The following DPP10 variants were observed in gnomAD, a reference collection of about 807,000 sequenced individuals.
The protein encoded by DPP10 is dipeptidyl peptidase like 10, also known as inactive dipeptidyl peptidase 10.
A neutral mutation model predicts 120.9 loss-of-function variants in DPP10; 33 were observed. The observed-to-expected ratio is 0.27, with a 90% CI of 0.21 to 0.37. The LOEUF (loss-of-function observed/expected upper bound fraction) is 0.37. DPP10 is among the 10% of genes least tolerant of loss of function. The pLI is 1.00. For missense variants in DPP10, 816 were observed against 942.8 expected, an observed-to-expected ratio of 0.87 and a Z score of 1.76; for synonymous variants, 337 against 326.1, an observed-to-expected ratio of 1.03 and a Z score of -0.36.
chr2:114,911,079 C>T (rs1028396828), intron 1 of DPP10, among the ~76,000 whole-genome samples: 4 of 152,156 alleles, frequency 2.6e-5, no homozygotes, highest in African/African-American at 4.8e-5. Context: ...TATTCCTTCA[C>T]GTGACTAATA....
intron 1 of DPP10, among the ~76,000 whole-genome samples, chr2:114,591,083 G>A (rs1188015025): frequency 6.6e-6 from 1 of 152,168 alleles, no homozygotes; most frequent in African/African-American, 2.4e-5. Flanking sequence ...GTAGTGAGGG[G>A]ACATCCCATG....
intron 1 of DPP10, among the ~76,000 whole-genome samples, chr2:115,180,774 G>T (rs931431931): frequency 2.0e-5 from 3 of 152,136 alleles, no homozygotes; most frequent in African/African-American, 4.8e-5. Flanking sequence ...GATTGAAAGG[G>T]TGGGAGTGGG....
At chr2:115,702,060 A>T (rs2091912546) in intron 7 of DPP10, among the ~76,000 whole-genome samples, 1 of 152,086 alleles carries the variant, frequency 6.6e-6, no homozygotes, top group African/African-American at 2.4e-5. Context: ...TTTACTAGTG[A>T]GAATACCATT....
chr2:115,689,872 A>G lies in DPP10; in HGVS notation c.527A>G (p.Glu176Gly), dbSNP rs1203667230. 2.5e-6 allele frequency: 4 copies of G among 1,613,802 alleles called. No individual in the cohort carries two copies. The highest frequency in any genetic ancestry group is 1.7e-5 in the Admixed American group (1 of 59,900). ...TGGGAGTTAAATCCTCCAGAAGTAG[A>G]GGACTCCGTCTTGCAGTACGCGGCC... is the stretch of plus-strand genomic sequence containing the variant. Reference protein sequence around the residue: ...EVWELNPPEVEDSVLQYAAWG... With the variant: ...EVWELNPPEVGDSVLQYAAWG... The change falls in exon 7 of 26, where the codon GAG becomes GGG. Residue 176 changes from glutamate (E) to glycine (G), a missense_variant. By Grantham distance (98) the Glu-to-Gly change is moderately conservative. Around this residue, in one of 3 missense-constraint regions of DPP10, gnomAD observed 182 missense variants for 207.4 expected, o/e 0.88. Transcript: ENST00000410059.
chr2:114,500,116 C>T (rs771156109), intron 1 of DPP10, among the ~76,000 whole-genome samples: 2 of 152,194 alleles, frequency 1.3e-5, no homozygotes, highest in Non-Finnish European at 2.9e-5. Flanking sequence ...GCTGTTTCTG[C>T]ACAATGCAGA....
intron 1 of DPP10, among the ~76,000 whole-genome samples, chr2:115,126,084 T>C (rs56317001): frequency 0.096 from 14,581 of 152,256 alleles, 938 homozygotes; most frequent in Non-Finnish European, 0.13. Flanking sequence ...TCATTGCTAC[T>C]GACAAAAATT....
At chr2:115,586,686 T>G (rs2082309367) in intron 5 of DPP10, among the ~76,000 whole-genome samples, 1 of 151,986 alleles carries the variant, frequency 6.6e-6, no homozygotes, top group African/African-American at 2.4e-5. Flanking sequence ...TTGTTTTTGT[T>G]TTTGTTTTTT....
At chr2:114,610,511 T>A (rs1693201397) in intron 1 of DPP10, among the ~76,000 whole-genome samples, 1 of 152,060 alleles carries the variant, frequency 6.6e-6, no homozygotes, top group Non-Finnish European at 1.5e-5. Context: ...GAAAAGACAG[T>A]CCTGCTCTTC....
intron 1 of DPP10, among the ~76,000 whole-genome samples, chr2:114,444,866 G>T (rs17048355): frequency 3.9e-5 from 6 of 152,084 alleles, no homozygotes; most frequent in Non-Finnish European, 1.5e-5. Flanking sequence ...ATATATAGTC[G>T]CAAGCACTGA....
At chr2:114,983,138 G>A (rs1700190893) in intron 1 of DPP10, among the ~76,000 whole-genome samples, 2 of 152,098 alleles carry the variant, frequency 1.3e-5, no homozygotes, top group Admixed American at 6.6e-5. Context: ...TAAGTGAATA[G>A]GAAGAGTGGA....
chr2:114,682,590 T>G (rs1699098191), intron 1 of DPP10, among the ~76,000 whole-genome samples: 1 of 151,372 alleles, frequency 6.6e-6, no homozygotes, highest in Non-Finnish European at 1.5e-5. Flanking sequence ...TTATTATTAT[T>G]ATTATTAGGC....
At chr2:114,885,565 A>G (rs1692002670) in intron 1 of DPP10, among the ~76,000 whole-genome samples, 1 of 152,212 alleles carries the variant, frequency 6.6e-6, no homozygotes, top group African/African-American at 2.4e-5. Context: ...TTATTAAAAT[A>G]TGAGAGATTT....
intron 1 of DPP10, among the ~76,000 whole-genome samples, chr2:114,724,887 T>C (rs1165407704): frequency 1.3e-5 from 2 of 152,100 alleles, no homozygotes; most frequent in Non-Finnish European, 2.9e-5. Flanking sequence ...GAGTGTGGGG[T>C]TTTTTTGTTT....
intron 1 of DPP10, among the ~76,000 whole-genome samples, chr2:114,476,349 A>G (rs1680368735): frequency 6.6e-6 from 1 of 152,202 alleles, no homozygotes; most frequent in African/African-American, 2.4e-5. Flanking sequence ...CCTATCTTCA[A>G]GTACAAAGTA....
intron 8 of DPP10, among the ~76,000 whole-genome samples, chr2:115,735,030 C>T (rs923819466): frequency 2.0e-5 from 3 of 152,148 alleles, no homozygotes; most frequent in African/African-American, 4.8e-5. Context: ...GAAATAGAAG[C>T]AGTGGCTTTT....
At chr2:114,849,913 TTTTTC>T (rs988682055) in intron 1 of DPP10, among the ~76,000 whole-genome samples, 2 of 151,754 alleles carry the variant, frequency 1.3e-5, no homozygotes, top group African/African-American at 4.8e-5. Context: ...TTATCCCAAT[TTTTTC>T]TTTTCTTTTC....
intron 1 of DPP10, among the ~76,000 whole-genome samples, chr2:115,146,591 A>G (rs568297106): frequency 6.6e-6 from 1 of 151,976 alleles, no homozygotes; most frequent in East Asian, 1.9e-4. Context: ...AACAGGGGAA[A>G]AAAAAAAAAC....
At chr2:115,404,250 C>A (rs188981660) in intron 3 of DPP10, among the ~76,000 whole-genome samples, 7 of 152,166 alleles carry the variant, frequency 4.6e-5, no homozygotes, top group African/African-American at 1.7e-4. Flanking sequence ...ATCAAAGCAG[C>A]AGAAGTGGGA....
rs144701999 is a variant in DPP10, at chr2:115,509,898, T to C, written c.366+10294T>C. Among the ~76,000 whole-genome samples the C allele has an allele frequency of 2.0e-5, 3 of 152,338 alleles. No homozygotes were observed. The East Asian group carries it at 5.8e-4, about 29-fold the overall frequency. Reference sequence around the variant, plus strand: ...CTTACCTATTTGATTTTAGCCATTTTAGTGGGTGTGAAGTAATATCTTGCC... The same window carrying C: ...CTTACCTATTTGATTTTAGCCATTTCAGTGGGTGTGAAGTAATATCTTGCC... On this transcript the variant is annotated intron_variant, in intron 4 of 25. Transcript: ENST00000410059.
Sources: gnomAD v4.1 joint callset for allele counts (sites outside exome capture counted in the v4.1 genomes callset) on GRCh38, gnomAD v4.1.1 for gene constraint, gnomAD v4.1.1 regional missense constraint, MANE v1.5 for transcripts, NCBI Gene and HGNC (gene_info 2026-07-23, HGNC 2026-07-21) for gene names.